The following NFIC variants were observed in gnomAD, a reference collection of about 807,000 sequenced individuals.
NFIC encodes the protein nuclear factor I C.
A neutral mutation model predicts 54.4 loss-of-function variants in NFIC; 12 were observed. The ratio of observed to expected loss-of-function variants is 0.22; its 90% CI spans 0.14 to 0.36. The LOEUF is 0.36. Ranked by LOEUF, NFIC falls within the 10% of genes least tolerant of loss-of-function variation. The pLI is 1.00. For missense variants in NFIC, 575 were observed against 718.2 expected, an observed-to-expected ratio of 0.80 and a Z score of 2.28; for synonymous variants, 322 against 319.2, an observed-to-expected ratio of 1.01 and a Z score of -0.09.
intron 2 of NFIC, among the ~76,000 whole-genome samples, chr19:3,399,922 C>T (rs2081527748): frequency 6.6e-6 from 1 of 152,064 alleles, no homozygotes; most frequent in East Asian, 1.9e-4. Context: ...CAGTGACTCA[C>T]ACCTCTAATC....
Position 3,366,597 on chromosome 19 carries a change from G to T in NFIC, c.-40G>T. On this transcript the variant is annotated 5_prime_UTR_variant, in exon 1 of 11. Transcript: ENST00000443272. ...AAAAATGACTCAGTAAGTTCAGCGC[G>T]CCCGCTCCGGCCGGCCCTGCGCCTC... The T allele has an allele frequency of 7.3e-7, 1 of 1,363,246 alleles. No homozygotes were observed. The highest frequency in any genetic ancestry group is 9.9e-7 in the Non-Finnish European group (1 of 1,009,812). The allele number at this position is 1,363,246 out of a possible 1,614,324, so 84.4% of individuals were successfully genotyped here. A position where few individuals can be genotyped will look rare whatever the true frequency, so the allele number is the denominator to read the frequency against.
Position 3,466,457 on chromosome 19 carries a change from G to A in NFIC, c.*3688G>A, listed in dbSNP as rs944874307. 9 of 151,450 alleles carry A rather than the reference G, an allele frequency of 5.9e-5. No homozygotes were observed. Among genetic ancestry groups the A allele is most frequent in the East Asian group, 3.9e-4 (2 of 5,116 alleles). 9.4% of individuals were successfully genotyped at this position (151,450 alleles called of 1,614,324 possible). On this transcript the variant is annotated 3_prime_UTR_variant, in exon 11 of 11. Transcript: ENST00000443272. This position sits in a 1 kb window ranked among gnomAD's most constrained non-coding sequence, Gnocchi z 4.8. ...TTCATTCACTATTGCCCCCAACCCC[G>A]GGATTTTGGGTGGTCTCCACAGCCA...
At chr19:3,408,888 C>T (rs973221930) in intron 2 of NFIC, among the ~76,000 whole-genome samples, 3 of 152,080 alleles carry the variant, frequency 2.0e-5, no homozygotes, top group African/African-American at 7.2e-5. Context: ...CTGGCTGACA[C>T]CCGGCTAATT....
upstream of NFIC, among the ~76,000 whole-genome samples, chr19:3,363,424 C>T (rs903449602): frequency 1.3e-5 from 2 of 151,390 alleles, no homozygotes; most frequent in East Asian, 3.9e-4. Context: ...GGCACCCTCG[C>T]CCATGCCCGG....
chr19:3,382,379 T>C, intron 2 of NFIC, 136 bp downstream of exon 2: 1 of 1,242,350 alleles, frequency 8.0e-7, no homozygotes, highest in Non-Finnish European at 1.1e-6. Context: ...AAGTGGGCCT[T>C]GGAGAGTGCC....
intron 6 of NFIC, among the ~76,000 whole-genome samples, chr19:3,436,120 G>C (rs1332943680): frequency 7.0e-6 from 1 of 142,276 alleles, no homozygotes; most frequent in Admixed American, 7.1e-5. Flanking sequence ...GAGCCACCAC[G>C]CCCGGCCTCT....
intron 1 of NFIC, 62 bp from the exon 2 acceptor site, chr19:3,381,650 G>C: frequency 6.4e-7 from 1 of 1,566,112 alleles, no homozygotes. Flanking sequence ...CTTCGGGGCC[G>C]GGCAGTGGGT....
At chr19:3,432,670 C>CTT (rs33968415) in intron 3 of NFIC, among the ~76,000 whole-genome samples, 13 of 129,490 alleles carry the variant, frequency 1.0e-4, no homozygotes, top group South Asian at 2.4e-4. Context: ...GCTTTCCGCT[C>CTT]TTTTTTTTTT....
intron 6 of NFIC, among the ~76,000 whole-genome samples, chr19:3,444,369 G>A (rs778869806): frequency 6.6e-6 from 1 of 152,230 alleles, no homozygotes; most frequent in African/African-American, 2.4e-5. Flanking sequence ...TCAGGATGCC[G>A]GGAGGGGCGT....
chr19:3,414,592 C>CTAAAATAAAA lies in NFIC; in HGVS notation c.563-10465_563-10456dup, dbSNP rs150304662. 1.9e-3 allele frequency among the ~76,000 whole-genome samples: 248 copies of CTAAAATAAAA among 131,748 alleles called. 2 individuals carry two copies. Among genetic ancestry groups the CTAAAATAAAA allele is most frequent in the East Asian group, 7.4e-3 (33 of 4,432 alleles). The allele number at this position is 131,748 out of a possible 152,430, so 86.4% of individuals were successfully genotyped here. A position where few individuals can be genotyped will look rare whatever the true frequency, so the allele number is the denominator to read the frequency against. On this transcript the variant is annotated intron_variant, in intron 2 of 10. Coordinates refer to ENST00000443272, the MANE Select transcript of NFIC (RefSeq NM_001245002.2). Reference sequence around the variant, plus strand: ...TCTGGGAGACGGGGCGAGACTGCATCTAAAATAAAATAAAATAAAATAAAA... The same window carrying CTAAAATAAAA: ...TCTGGGAGACGGGGCGAGACTGCATCTAAAATAAAATAAAATAAAATAAAATAAAATAAAA...
intron 2 of NFIC, among the ~76,000 whole-genome samples, chr19:3,420,274 T>C (rs533568903): frequency 6.6e-6 from 1 of 152,224 alleles, no homozygotes; most frequent in East Asian, 1.9e-4. Context: ...TGAGCCGTGA[T>C]TGTGCCACCT....
At chr19:3,440,653 A>G (rs145370907) in intron 6 of NFIC, among the ~76,000 whole-genome samples, 9,533 of 151,324 alleles carry the variant, frequency 0.063, 318 homozygotes, top group Middle Eastern at 0.11. Flanking sequence ...CTGGTCTGGA[A>G]CTCCTGACCT....
rs2082673154 is a variant in NFIC, at chr19:3,463,585, G to GT, written c.*819dup. Reference sequence around the variant, plus strand: ...ACTCTTTCAGCCCTCGCGCCCGCCCGTTTGGGAGGAGAAGTCTCTATGCAA... The same window carrying GT: ...ACTCTTTCAGCCCTCGCGCCCGCCCGTTTTGGGAGGAGAAGTCTCTATGCAA... On this transcript the variant is annotated 3_prime_UTR_variant, in exon 11 of 11. Transcript: ENST00000443272. 1 of 984,900 alleles carries GT rather than the reference G, an allele frequency of 1.0e-6. No individual in the cohort carries two copies. Among genetic ancestry groups the GT allele is most frequent in the Non-Finnish European group, 1.2e-6 (1 of 829,794 alleles). The allele number at this position is 984,900 out of a possible 1,614,324, so 61.0% of individuals were successfully genotyped here. A position where few individuals can be genotyped will look rare whatever the true frequency, so the allele number is the denominator to read the frequency against.
At chr19:3,373,616 G>GCCCC (rs1181448405) in intron 1 of NFIC, among the ~76,000 whole-genome samples, 11 of 112,338 alleles carry the variant, frequency 9.8e-5, no homozygotes, top group South Asian at 3.4e-4. Flanking sequence ...GACCTTCCTG[G>GCCCC]ACCCCCCCCC....
At chr19:3,371,988 CCTCTCTCTCCCTCT>C (rs1198928998) in intron 1 of NFIC, among the ~76,000 whole-genome samples, 38 of 27,440 alleles carry the variant, frequency 1.4e-3, no homozygotes, top group African/African-American at 4.0e-3. Flanking sequence ...TCTCTCTCTC[CCTCTCTCTCCCTCT>C]CTCTCTCTCT....
chr19:3,366,245 C>T (rs952785836), upstream of NFIC, among the ~76,000 whole-genome samples: 1 of 148,364 alleles, frequency 6.7e-6, no homozygotes, highest in African/African-American at 2.5e-5. Flanking sequence ...ACGGGAGGAG[C>T]GGGGGGGTCC....
intron 2 of NFIC, among the ~76,000 whole-genome samples, chr19:3,382,883 C>T (rs576291312): frequency 6.6e-6 from 1 of 151,806 alleles, no homozygotes; most frequent in African/African-American, 2.4e-5. Context: ...ATGTGGAGGT[C>T]AGATGGAGGA....
At chr19:3,393,400 C>T (rs1319247267) in intron 2 of NFIC, among the ~76,000 whole-genome samples, 1 of 152,110 alleles carries the variant, frequency 6.6e-6, no homozygotes, top group African/African-American at 2.4e-5. Context: ...TCTAGATTCT[C>T]CAGGGCATGA....
chr19:3,453,753 G>A lies in NFIC; in HGVS notation c.1270-10G>A. The A allele has an allele frequency of 1.3e-6, 2 of 1,598,636 alleles. No individual in the cohort carries two copies. Among genetic ancestry groups the A allele is most frequent in the African/African-American group, 2.7e-5 (2 of 73,610 alleles). ...CCACCCCTTAACCACGTGTCTCTCT[G>A]TTCCCCCAGTTAAATGGAAGTGGTC... On this transcript the variant is annotated splice_polypyrimidine_tract_variant and intron_variant, in intron 8 of 10. Transcript: ENST00000443272. The surrounding 1 kb of genome is among the most constrained non-coding windows in gnomAD (Gnocchi z 6.7).
Sources: gnomAD v4.1 joint callset for allele counts (sites outside exome capture counted in the v4.1 genomes callset) on GRCh38, gnomAD v4.1.1 for gene constraint, Gnocchi (gnomAD v3.1) non-coding constraint, MANE v1.5 for transcripts, NCBI Gene and HGNC (gene_info 2026-07-23, HGNC 2026-07-21) for gene names.